Variants in TENM3 observed in about 807,000 individuals in gnomAD.
TENM3 encodes teneurin transmembrane protein 3.
In TENM3, 63 loss-of-function variants were observed where a neutral mutation model predicts 255.1. The ratio of observed to expected loss-of-function variants is 0.25; its 90% CI spans 0.20 to 0.30. TENM3 has a LOEUF of 0.30. TENM3 is among the 10% of genes least tolerant of loss of function. TENM3 has a pLI of 1.00. For missense variants in TENM3, 2,929 were observed against 3,461.1 expected, an observed-to-expected ratio of 0.85 and a Z score of 3.86; for synonymous variants, 1,306 against 1,322.3, an observed-to-expected ratio of 0.99 and a Z score of 0.27.
the TENM3 span, among the ~76,000 whole-genome samples, chr4:181,521,201 C>T: frequency 6.6e-6 from 1 of 152,234 alleles, no homozygotes; most frequent in Non-Finnish European, 1.5e-5. Flanking sequence ...TCTTGAGCAC[C>T]TTCTACAACA....
At chr4:182,071,541 G>A in the TENM3 span, among the ~76,000 whole-genome samples, 1 of 151,286 alleles carries the variant, frequency 6.6e-6, no homozygotes, top group Non-Finnish European at 1.5e-5. Context: ...CATCTCCCGG[G>A]TTCAAGCAAT....
the TENM3 span, among the ~76,000 whole-genome samples, chr4:181,774,036 T>C: frequency 1.8e-5 from 2 of 112,700 alleles, 1 homozygote; most frequent in African/African-American, 7.9e-5. Context: ...TTTATTATAC[T>C]CTAAGTTTTA....
intron 3 of TENM3, among the ~76,000 whole-genome samples, chr4:182,578,673 C>T (rs1745182602): frequency 6.6e-6 from 1 of 152,174 alleles, no homozygotes; most frequent in Admixed American, 6.5e-5. Flanking sequence ...TCTGGAAGAG[C>T]ACTCAGGTTA....
At position 182,370,346 on chromosome 4, in the gene TENM3, A is replaced by G. The variant is rs1435214368; in HGVS notation, c.511+23417A>G. Among the ~76,000 whole-genome samples, 7 of 152,202 alleles carry G rather than the reference A, an allele frequency of 4.6e-5. No individual in the cohort carries two copies. The East Asian group carries it at 1.3e-3, about 29-fold the overall frequency. Reference sequence around the variant, plus strand: ...CAAATAGAACTTAAACTAATACAGCATACCCTATCGCCTACAGAGCTATTC... The same window carrying G: ...CAAATAGAACTTAAACTAATACAGCGTACCCTATCGCCTACAGAGCTATTC... On this transcript the variant is annotated intron_variant, in intron 3 of 27. Coordinates refer to ENST00000511685, the MANE Select transcript of TENM3 (RefSeq NM_001080477.4).
At chr4:181,602,787 A>G in the TENM3 span, among the ~76,000 whole-genome samples, 1 of 152,226 alleles carries the variant, frequency 6.6e-6, no homozygotes, top group Non-Finnish European at 1.5e-5. Context: ...TCAGCCCAAT[A>G]AGTCCTGAAG....
the TENM3 span, among the ~76,000 whole-genome samples, chr4:181,712,653 G>A: frequency 6.6e-5 from 10 of 152,046 alleles, no homozygotes; most frequent in South Asian, 8.3e-4. Flanking sequence ...TTTATTTTTC[G>A]CTCTCTTGGG....
chr4:182,640,836 C>T lies in TENM3; in HGVS notation c.988+11947C>T, dbSNP rs191214364. 5.3e-5 allele frequency among the ~76,000 whole-genome samples: 8 copies of T among 152,278 alleles called. No individual in the cohort carries two copies. The East Asian group carries it at 1.4e-3, about 26-fold the overall frequency. On this transcript the variant is annotated intron_variant, in intron 5 of 27. Coordinates refer to ENST00000511685, the MANE Select transcript of TENM3 (RefSeq NM_001080477.4). ...GGAGTAACTAAGGAAAACTGCTCTC[C>T]GAGTGATCCCAGATGAAGAGGGAGC...
chr4:181,900,063 TAAC>T, the TENM3 span, among the ~76,000 whole-genome samples: 5 of 152,262 alleles, frequency 3.3e-5, no homozygotes, highest in South Asian at 4.1e-4. Flanking sequence ...TTCATGAAAA[TAAC>T]AACTTCTATG....
chr4:182,545,249 G>A lies in TENM3; in HGVS notation c.512-55675G>A, dbSNP rs191376545. Among the ~76,000 whole-genome samples the A allele has an allele frequency of 5.3e-5, 8 of 152,252 alleles. No individual in the cohort carries two copies. In the East Asian group the frequency reaches 9.7e-4, roughly 18 times the overall value. On this transcript the variant is annotated intron_variant, in intron 3 of 27. Coordinates refer to ENST00000511685, the MANE Select transcript of TENM3 (RefSeq NM_001080477.4). Reference sequence around the variant, plus strand: ...GTATTTACTTGATATGTCTGTTTGCGTGGAAAGACGTCTTTTTTGTTTGTA... The same window carrying A: ...GTATTTACTTGATATGTCTGTTTGCATGGAAAGACGTCTTTTTTGTTTGTA...
At chr4:182,009,130 C>T in the TENM3 span, among the ~76,000 whole-genome samples, 3 of 152,048 alleles carry the variant, frequency 2.0e-5, no homozygotes, top group Admixed American at 6.6e-5. Context: ...GGACCTCTGA[C>T]CTCAAGGGGC....
chr4:181,901,831 ATAAAG>A, the TENM3 span, among the ~76,000 whole-genome samples: 5 of 152,318 alleles, frequency 3.3e-5, no homozygotes, highest in African/African-American at 7.2e-5. Context: ...AATTATTATT[ATAAAG>A]TAAAGTTTTA....
chr4:182,624,607 G>A (rs1044152296), intron 4 of TENM3, among the ~76,000 whole-genome samples: 7 of 152,256 alleles, frequency 4.6e-5, no homozygotes, highest in African/African-American at 1.4e-4. Context: ...GCGTGGACAT[G>A]TTCCCCTTTC....
intron 5 of TENM3, among the ~76,000 whole-genome samples, chr4:182,642,102 A>T (rs2152495085): frequency 6.6e-6 from 1 of 152,342 alleles, no homozygotes; most frequent in Non-Finnish European, 1.5e-5. Context: ...TTCAATATTG[A>T]CAAGTATTAT....
Position 182,496,307 on chromosome 4 carries a change from C to G in TENM3, c.512-104617C>G, listed in dbSNP as rs144006699. Among the ~76,000 whole-genome samples, 1,394 of 152,178 alleles carry G rather than the reference C, an allele frequency of 9.2e-3. 13 individuals are homozygous for G. The highest frequency in any genetic ancestry group is 0.014 in the Non-Finnish European group (982 of 67,998). On this transcript the variant is annotated intron_variant, in intron 3 of 27. Transcript: ENST00000511685. Reference sequence around the variant, plus strand: ...ATTTAGGGAGTAGGAATGTTATTTTCCCTACCTTCTCCTCACTTCCTTTTA... The same window carrying G: ...ATTTAGGGAGTAGGAATGTTATTTTGCCTACCTTCTCCTCACTTCCTTTTA...
the TENM3 span, among the ~76,000 whole-genome samples, chr4:181,719,531 T>C: frequency 2.6e-5 from 4 of 152,214 alleles, no homozygotes; most frequent in African/African-American, 4.8e-5. Context: ...CACTGTGTCC[T>C]CACACGGTGG....
chr4:181,787,086 A>G, the TENM3 span, among the ~76,000 whole-genome samples: 231 of 152,340 alleles, frequency 1.5e-3, no homozygotes, highest in Admixed American at 0.012. Flanking sequence ...TTCTTCATCA[A>G]GGTTTTAAGA....
chr4:182,074,149 G>T, the TENM3 span, among the ~76,000 whole-genome samples: 1 of 152,102 alleles, frequency 6.6e-6, no homozygotes, highest in South Asian at 2.1e-4. Context: ...CTTTACAAGG[G>T]CCAAATCATT....
At chr4:182,529,960 G>T (rs1363113024) in intron 3 of TENM3, among the ~76,000 whole-genome samples, 1 of 152,160 alleles carries the variant, frequency 6.6e-6, no homozygotes, top group Admixed American at 6.5e-5. Context: ...GTTTTTATGT[G>T]GTAGCTGGTT....
intron 1 of TENM3, among the ~76,000 whole-genome samples, chr4:182,245,365 C>A (rs767995345): frequency 4.6e-5 from 7 of 152,220 alleles, no homozygotes; most frequent in African/African-American, 7.2e-5. Flanking sequence ...TCTATCTGAT[C>A]TTCATTTCTT....
Sources: allele counts gnomAD v4.1 joint callset (sites outside exome capture counted in the v4.1 genomes callset), GRCh38; gene constraint gnomAD v4.1.1; transcripts MANE v1.5; gene names NCBI Gene and HGNC (gene_info 2026-07-23, HGNC 2026-07-21).